Variants in PPP3CA observed in about 807,000 individuals in gnomAD.
The protein encoded by PPP3CA is CAM-PRP catalytic subunit.
A neutral mutation model predicts 66.5 loss-of-function variants in PPP3CA; 14 were observed. That is an observed-to-expected ratio of 0.21 (90% CI 0.14 to 0.33). The LOEUF (loss-of-function observed/expected upper bound fraction) is 0.33. PPP3CA is among the 10% of genes least tolerant of loss of function. The pLI is 1.00. For missense variants in PPP3CA, 317 were observed against 639.5 expected, an observed-to-expected ratio of 0.50 and a Z score of 5.44; for synonymous variants, 232 against 226.2, an observed-to-expected ratio of 1.03 and a Z score of -0.23.
intron 2 of PPP3CA, among the ~76,000 whole-genome samples, chr4:101,182,754 T>C (rs563297501): frequency 3.1e-4 from 47 of 152,248 alleles, no homozygotes; most frequent in Non-Finnish European, 3.4e-4. Context: ...TCCGACGTGT[T>C]GTGGGAGGGA....
At position 101,308,422 on chromosome 4, in the gene PPP3CA, T is replaced by A. The variant is rs368501456; in HGVS notation, c.58+38317A>T. Among the ~76,000 whole-genome samples the A allele has an allele frequency of 5.9e-5, 9 of 152,286 alleles. No individual in the cohort carries two copies. In the South Asian group the frequency reaches 8.3e-4, roughly 14 times the overall value. On this transcript the variant is annotated intron_variant, in intron 1 of 13. Transcript: ENST00000394854. ...TTATCACAATACCTAGCATATAGAA[T>A]GTTCACAAAATCCCCTTACATGTAA...
intron 1 of PPP3CA, among the ~76,000 whole-genome samples, chr4:101,334,335 A>G (rs1387824966): frequency 6.6e-6 from 1 of 152,076 alleles, no homozygotes; most frequent in Admixed American, 6.5e-5. Flanking sequence ...ATTTTTTGCC[A>G]TGTTGGCCAG....
chr4:101,204,144 CA>C (rs1231501303), intron 1 of PPP3CA, among the ~76,000 whole-genome samples: 2 of 151,892 alleles, frequency 1.3e-5, no homozygotes, highest in African/African-American at 4.8e-5. Flanking sequence ...TAGCTGGGAC[CA>C]CAGGTGCATG....
chr4:101,283,156 T>A (rs111966189), intron 1 of PPP3CA, among the ~76,000 whole-genome samples: 6 of 152,320 alleles, frequency 3.9e-5, no homozygotes, highest in African/African-American at 1.4e-4. Context: ...AAAATAAAAA[T>A]TTACGGGAAA....
At chr4:101,257,051 T>G (rs1449356658) in intron 1 of PPP3CA, among the ~76,000 whole-genome samples, 1 of 151,986 alleles carries the variant, frequency 6.6e-6, no homozygotes, top group Non-Finnish European at 1.5e-5. Flanking sequence ...TGGAACTCAT[T>G]CTAGTTCTGC....
intron 1 of PPP3CA, among the ~76,000 whole-genome samples, chr4:101,262,199 T>C (rs1727031079): frequency 1.3e-5 from 2 of 152,122 alleles, no homozygotes; most frequent in African/African-American, 4.8e-5. Flanking sequence ...ACTCTGCAAA[T>C]AGGCAGTCAA....
chr4:101,226,870 A>G (rs1725799686), intron 1 of PPP3CA, among the ~76,000 whole-genome samples: 1 of 151,748 alleles, frequency 6.6e-6, no homozygotes, highest in East Asian at 1.9e-4. Context: ...ATGAAACACT[A>G]TCACTTCAAG....
chr4:101,213,679 T>C (rs768112113), intron 1 of PPP3CA, among the ~76,000 whole-genome samples: 5 of 152,108 alleles, frequency 3.3e-5, no homozygotes, highest in African/African-American at 4.8e-5. Flanking sequence ...ATGTAATAGG[T>C]ATCACAGTGT....
chr4:101,270,477 T>C (rs1003605461), intron 1 of PPP3CA, among the ~76,000 whole-genome samples: 3 of 152,142 alleles, frequency 2.0e-5, no homozygotes, highest in Admixed American at 2.0e-4. Flanking sequence ...AACAAAAATA[T>C]GTTTAAAGAC....
At chr4:101,028,386 C>A (rs528730909) in intron 13 of PPP3CA, among the ~76,000 whole-genome samples, 1 of 152,320 alleles carries the variant, frequency 6.6e-6, no homozygotes, top group South Asian at 2.1e-4. Flanking sequence ...TTCGACTCTA[C>A]TGTCCTTGAG....
intron 11 of PPP3CA, among the ~76,000 whole-genome samples, chr4:101,035,317 T>TA (rs749741840): frequency 6.9e-6 from 1 of 145,050 alleles, no homozygotes; most frequent in African/African-American, 2.7e-5. Flanking sequence ...ATGGGACTCA[T>TA]CAAAAAAAAC....
chr4:101,254,620 C>A lies in PPP3CA; in HGVS notation c.59-58504G>T, dbSNP rs528934621. The stretch of plus-strand genomic sequence containing the variant: ...CATTTCAATACTGGGAAGGTGTTCA[C>A]TGATATCATTCATACAGACATGATC... On this transcript the variant is annotated intron_variant, in intron 1 of 13. Transcript: ENST00000394854. 2.6e-5 allele frequency among the ~76,000 whole-genome samples: 4 copies of A among 151,962 alleles called. No homozygotes were observed. In the South Asian group the frequency reaches 8.3e-4, roughly 32 times the overall value.
At chr4:101,160,200 C>T (rs1880943) in intron 2 of PPP3CA, among the ~76,000 whole-genome samples, 80,385 of 151,864 alleles carry the variant, frequency 0.53, 23,380 homozygotes, top group African/African-American at 0.76. Context: ...CAAACCTTTA[C>T]AGTGACTGCA....
intron 1 of PPP3CA, among the ~76,000 whole-genome samples, chr4:101,302,249 T>C (rs931215781): frequency 6.6e-6 from 1 of 152,234 alleles, no homozygotes; most frequent in African/African-American, 2.4e-5. Context: ...ATTAGCCAGC[T>C]GTGTAACCAG....
intron 1 of PPP3CA, among the ~76,000 whole-genome samples, chr4:101,210,098 A>C (rs1725255075): frequency 6.6e-6 from 1 of 152,168 alleles, no homozygotes; most frequent in African/African-American, 2.4e-5. Flanking sequence ...TCTGTGACCC[A>C]AAGAGGCTAA....
At chr4:101,124,659 GAGACAGAAAGAA>G (rs1416560675) in intron 2 of PPP3CA, among the ~76,000 whole-genome samples, 1 of 109,622 alleles carries the variant, frequency 9.1e-6, no homozygotes, top group Non-Finnish European at 1.9e-5. Flanking sequence ...GAGGGAGAGA[GAGACAGAAAGAA>G]AGAAAGAAAG....
chr4:101,094,970 C>G (rs535280095), intron 5 of PPP3CA, among the ~76,000 whole-genome samples: 1 of 151,800 alleles, frequency 6.6e-6, no homozygotes, highest in Admixed American at 6.6e-5. Context: ...TACAACTAAT[C>G]AAATTGTCTA....
chr4:101,268,913 G>T lies in PPP3CA; in HGVS notation c.59-72797C>A, dbSNP rs535753524. On this transcript the variant is annotated intron_variant, in intron 1 of 13. Transcript: ENST00000394854. The stretch of plus-strand genomic sequence containing the variant: ...TTTTTACTAAGTTGTCTCATGGGAC[G>T]TCCTGCTAAATATCAGCTGCCCAAA... Among the ~76,000 whole-genome samples the T allele has an allele frequency of 2.0e-5, 3 of 152,198 alleles. No homozygotes were observed. The South Asian group carries it at 6.2e-4, about 32-fold the overall frequency.
intron 1 of PPP3CA, among the ~76,000 whole-genome samples, chr4:101,246,546 TA>T (rs1726484803): frequency 1.3e-5 from 2 of 152,198 alleles, no homozygotes; most frequent in Non-Finnish European, 2.9e-5. Flanking sequence ...AATGAAATCT[TA>T]ATTAGAAACA....
Sources: gnomAD v4.1 joint callset for allele counts (sites outside exome capture counted in the v4.1 genomes callset) on GRCh38, gnomAD v4.1.1 for gene constraint, MANE v1.5 for transcripts, NCBI Gene and HGNC (gene_info 2026-07-23, HGNC 2026-07-21) for gene names.